ADAM23: variants seen among roughly 807,000 people sequenced by gnomAD.
The protein encoded by ADAM23 is ADAM metallopeptidase domain 23, also known as disintegrin and metalloproteinase domain-containing protein 23.
Under a neutral mutation model 120.1 loss-of-function variants are expected in ADAM23, and 33 were observed. The observed-to-expected ratio is 0.27, with a 90% CI of 0.21 to 0.37. The LOEUF is 0.37. ADAM23 is among the 10% of genes least tolerant of loss of function. The pLI, the probability that ADAM23 is intolerant of heterozygous loss-of-function variation, is 1.00. For synonymous variants in ADAM23, 367 were observed against 375.2 expected (o/e 0.98, Z 0.25); for missense variants, 862 against 1,058.2 (o/e 0.81, Z 2.57).
At chr2:206,533,514 A>G (rs6735226) in intron 4 of ADAM23, among the ~76,000 whole-genome samples, 8,126 of 152,226 alleles carry the variant, frequency 0.053, 708 homozygotes, top group African/African-American at 0.19. Context: ...AAAGATCTCA[A>G]ATTGTTTAGA....
intron 2 of ADAM23, among the ~76,000 whole-genome samples, chr2:206,476,896 A>C (rs1408650270): frequency 2.0e-5 from 3 of 152,210 alleles, no homozygotes; most frequent in African/African-American, 7.2e-5. Context: ...CAGAACTCAC[A>C]AATTCTTGCC....
At chr2:206,472,752 C>T (rs1346723868) in intron 2 of ADAM23, among the ~76,000 whole-genome samples, 3 of 152,072 alleles carry the variant, frequency 2.0e-5, no homozygotes, top group African/African-American at 7.2e-5. Flanking sequence ...TTGACAAATC[C>T]ATAAATCCAA....
At chr2:206,504,259 G>T (rs1287345040) in intron 3 of ADAM23, among the ~76,000 whole-genome samples, 8 of 151,912 alleles carry the variant, frequency 5.3e-5, no homozygotes, top group African/African-American at 1.9e-4. Context: ...CAAAATTATT[G>T]GTTTGCCTGT....
chr2:206,543,201 C>G, intron 5 of ADAM23, 52 bp from the exon 6 acceptor site: 1 of 1,513,458 alleles, frequency 6.6e-7, no homozygotes, highest in Non-Finnish European at 9.2e-7. Context: ...CTATTTCTTG[C>G]CATTTCCTGT....
In ADAM23 at chr2:206,530,920, A is replaced by G. The variant is rs1697046173; in HGVS notation, c.545A>G (p.Tyr182Cys). 1 of 1,613,894 alleles carries G rather than the reference A, an allele frequency of 6.2e-7. No individual in the cohort carries two copies. The highest frequency in any genetic ancestry group is 1.1e-5 in the South Asian group (1 of 91,028). The change falls in exon 4 of 26, where the codon TAC (tyrosine) becomes TGC (cysteine). Residue 182 changes from tyrosine (Y) to cysteine (C), a missense_variant. By Grantham distance (194) the Tyr-to-Cys change is radical. This residue lies in a region of ADAM23 where 617 missense variants were observed against 813.5 expected (regional missense o/e 0.76). Transcript: ENST00000264377. ...TCTTCTGATTATGTGGAGATTCACT[A>G]CGAAAATGGGAAACCACAGTACTCT... is the stretch of plus-strand genomic sequence containing the variant. Reference protein sequence around the residue: ...LLSSDYVEIHYENGKPQYSKG... With the variant: ...LLSSDYVEIHCENGKPQYSKG...
intron 25 of ADAM23, among the ~76,000 whole-genome samples, chr2:206,616,290 G>C (rs989374336): frequency 2.0e-5 from 3 of 152,220 alleles, no homozygotes; most frequent in Non-Finnish European, 4.4e-5. Context: ...CCGCTTTCAA[G>C]AATGTTGACT....
chr2:206,446,751 C>G (rs377575407), intron 2 of ADAM23, among the ~76,000 whole-genome samples: 1 of 152,038 alleles, frequency 6.6e-6, no homozygotes, highest in Non-Finnish European at 1.5e-5. Context: ...TGCTACCCAC[C>G]GTGAGATAAA....
chr2:206,523,812 A>G (rs1921666), intron 3 of ADAM23, among the ~76,000 whole-genome samples: 53,869 of 151,958 alleles, frequency 0.35, 9,926 homozygotes, highest in Admixed American at 0.39. Flanking sequence ...TATCTAGTGA[A>G]TTTAAAATAT....
At chr2:206,522,558 A>G (rs1022299887) in intron 3 of ADAM23, among the ~76,000 whole-genome samples, 1 of 152,194 alleles carries the variant, frequency 6.6e-6, no homozygotes, top group Non-Finnish European at 1.5e-5. Context: ...CTTCTGTACA[A>G]GGTTACCAGA....
At chr2:206,462,424 C>G (rs548606662) in intron 2 of ADAM23, among the ~76,000 whole-genome samples, 1 of 152,332 alleles carries the variant, frequency 6.6e-6, no homozygotes, top group African/African-American at 2.4e-5. Flanking sequence ...TAAGTACTAT[C>G]TTTTGTCTGC....
chr2:206,475,408 G>A (rs1198022837), intron 2 of ADAM23, among the ~76,000 whole-genome samples: 1 of 152,012 alleles, frequency 6.6e-6, no homozygotes, highest in Non-Finnish European at 1.5e-5. Flanking sequence ...GGACTTTCAT[G>A]TTTCTCTAGC....
intron 15 of ADAM23, among the ~76,000 whole-genome samples, chr2:206,570,451 G>T (rs1013524320): frequency 2.0e-5 from 3 of 152,018 alleles, no homozygotes; most frequent in African/African-American, 7.3e-5. Flanking sequence ...TATTCCTCTT[G>T]ACAGCTTGTC....
chr2:206,568,437 A>G (rs188017967), intron 15 of ADAM23, among the ~76,000 whole-genome samples: 75 of 152,358 alleles, frequency 4.9e-4, no homozygotes, highest in African/African-American at 1.6e-3. Flanking sequence ...CTCATAAGGT[A>G]AATATTCATA....
chr2:206,543,061 A>G (rs1397776851), intron 5 of ADAM23, among the ~76,000 whole-genome samples, 192 bp from the exon 6 acceptor site: 3 of 152,212 alleles, frequency 2.0e-5, no homozygotes, highest in Non-Finnish European at 2.9e-5. Context: ...TATAGCCTCC[A>G]TGCTGCCTAA....
chr2:206,592,479 A>G (rs1698442994), intron 21 of ADAM23, 138 bp from the exon 22 acceptor site: 1 of 1,097,938 alleles, frequency 9.1e-7, no homozygotes, highest in Non-Finnish European at 1.3e-6. Context: ...TCACCTACCA[A>G]TGATATATGA....
intron 3 of ADAM23, among the ~76,000 whole-genome samples, chr2:206,528,452 T>G (rs1219856242): frequency 2.0e-5 from 3 of 152,236 alleles, no homozygotes; most frequent in Non-Finnish European, 4.4e-5. Context: ...TGGTTTGTGA[T>G]TTTAATGGGA....
intron 3 of ADAM23, among the ~76,000 whole-genome samples, chr2:206,487,230 G>A (rs914817123): frequency 6.6e-6 from 1 of 152,182 alleles, no homozygotes; most frequent in Non-Finnish European, 1.5e-5. Flanking sequence ...AGGAGAAGAG[G>A]CATTGATCTC....
chr2:206,544,896 C>T (rs536803020), intron 6 of ADAM23, among the ~76,000 whole-genome samples: 3 of 151,984 alleles, frequency 2.0e-5, no homozygotes, highest in South Asian at 4.2e-4. Context: ...GTGAATGAAG[C>T]ACTTAAGGAA....
intron 18 of ADAM23, among the ~76,000 whole-genome samples, chr2:206,584,583 C>T (rs1698284408): frequency 6.6e-6 from 1 of 152,078 alleles, no homozygotes; most frequent in Admixed American, 6.5e-5. Flanking sequence ...AGTCTCACCC[C>T]CATCCCCCAC....
Sources: gnomAD v4.1 joint callset for allele counts (sites outside exome capture counted in the v4.1 genomes callset) on GRCh38, gnomAD v4.1.1 for gene constraint, gnomAD v4.1.1 regional missense constraint, MANE v1.5 for transcripts, NCBI Gene and HGNC (gene_info 2026-07-23, HGNC 2026-07-21) for gene names.